The following SLMAP variants were observed in gnomAD, a reference collection of about 807,000 sequenced individuals.
The protein encoded by SLMAP is sarcolemma associated protein.
Under a neutral mutation model 128.8 loss-of-function variants are expected in SLMAP, and 44 were observed. The observed-to-expected ratio is 0.34, with a 90% CI of 0.27 to 0.44. SLMAP has a LOEUF of 0.44. Among genes scored for constraint, SLMAP ranks in the 20% least tolerant of loss-of-function variants. The pLI, the probability that SLMAP is intolerant of heterozygous loss-of-function variation, is 1.00. For synonymous variants in SLMAP, 327 were observed against 348.8 expected (o/e 0.94, Z 0.70); for missense variants, 787 against 985.3 (o/e 0.80, Z 2.69).
rs1470852663 is a variant in SLMAP, at chr3:57,834,618, CAG to C, written c.346+3091_346+3092del. 2.0e-5 allele frequency among the ~76,000 whole-genome samples: 3 copies of C among 152,142 alleles called. No individual in the cohort carries two copies. The East Asian group carries it at 5.8e-4, about 29-fold the overall frequency. On this transcript the variant is annotated intron_variant, in intron 3 of 24. Coordinates refer to ENST00000671191, the MANE Select transcript of SLMAP (RefSeq NM_001377540.1). ...TTCACCATTGAAAAGACACCAGAAA[CAG>C]AGGGATTTACAGCTGATCCCTCTGT...
intron 3 of SLMAP, among the ~76,000 whole-genome samples, chr3:57,839,127 ATT>A (rs1243773071): frequency 1.3e-5 from 2 of 151,422 alleles, no homozygotes; most frequent in Non-Finnish European, 2.9e-5. Context: ...TAATTTTAAA[ATT>A]TTTTGTAGAG....
intron 23 of SLMAP, among the ~76,000 whole-genome samples, chr3:57,923,774 C>T (rs777586828): frequency 1.5e-4 from 23 of 152,158 alleles, no homozygotes; most frequent in Non-Finnish European, 2.8e-4. Context: ...GAAGCCACTT[C>T]GCTTACCTTG....
rs193193278 is a variant in SLMAP at position 57,922,522 on chromosome 3, G to A, written c.2311-367G>A. 2.2e-3 allele frequency among the ~76,000 whole-genome samples: 327 copies of A among 149,166 alleles called. 1 individual carries two copies. The highest frequency in any genetic ancestry group is 7.8e-3 in the African/African-American group (316 of 40,288). On this transcript the variant is annotated intron_variant, in intron 22 of 24. Transcript: ENST00000671191. ...TGGCTCACTGCAACCTCTGCCTCCC[G>A]GGTTCAAGCGATTTTCCTGTCTCAG...
rs1220540525 is a variant in SLMAP at position 57,820,505 on chromosome 3, G to T, written c.199-10878G>T. On this transcript the variant is annotated intron_variant, in intron 2 of 24. Coordinates refer to ENST00000671191, the MANE Select transcript of SLMAP (RefSeq NM_001377540.1). ...ACTGCCAAATTAGAATTTGCTGTAG[G>T]CTTTCAGCCCCCGCCCCCACTACCA... is the stretch of plus-strand genomic sequence containing the variant. Among the ~76,000 whole-genome samples, 4 of 152,116 alleles carry T rather than the reference G, an allele frequency of 2.6e-5. No individual in the cohort carries two copies. The East Asian group carries it at 7.7e-4, about 29-fold the overall frequency.
At chr3:57,895,381 G>C (rs2096213771) in intron 15 of SLMAP, among the ~76,000 whole-genome samples, 1 of 151,782 alleles carries the variant, frequency 6.6e-6, no homozygotes, top group South Asian at 2.1e-4. Context: ...TGTCACCCAG[G>C]CTGGAGTGCA....
chr3:57,760,636 G>A (rs565122275), intron 2 of SLMAP, among the ~76,000 whole-genome samples: 2 of 152,006 alleles, frequency 1.3e-5, no homozygotes, highest in Non-Finnish European at 2.9e-5. Context: ...CACGAGGGTT[G>A]CTTGAGCCCA....
rs1310433335 is a variant in SLMAP, at chr3:57,804,199, T to G, written c.199-27184T>G. Among the ~76,000 whole-genome samples the G allele has an allele frequency of 2.0e-5, 3 of 152,338 alleles. No homozygotes were observed. In the East Asian group the frequency reaches 5.8e-4, roughly 29 times the overall value. On this transcript the variant is annotated intron_variant, in intron 2 of 24. Transcript: ENST00000671191. ...ATCTTTTTTCATCTAACATCAAAGA[T>G]TATTTCCATTTCTGATACACTTTTA...
intron 2 of SLMAP, among the ~76,000 whole-genome samples, chr3:57,820,952 A>G (rs2092447972): frequency 6.6e-6 from 1 of 152,356 alleles, no homozygotes; most frequent in East Asian, 1.9e-4. Flanking sequence ...ACAAGTTTTT[A>G]GATGACCCTG....
intron 2 of SLMAP, among the ~76,000 whole-genome samples, chr3:57,809,843 A>G (rs2090615586): frequency 6.6e-6 from 1 of 152,228 alleles, no homozygotes; most frequent in East Asian, 1.9e-4. Context: ...TCTGTCACTC[A>G]GTAAAGCTCC....
At chr3:57,770,003 A>G (rs747100863) in intron 2 of SLMAP, among the ~76,000 whole-genome samples, 80 of 152,178 alleles carry the variant, frequency 5.3e-4, no homozygotes, top group Non-Finnish European at 5.6e-4. Flanking sequence ...TTACCAAGGA[A>G]TCTTTGATGT....
chr3:57,757,891 T>G (rs184378105), intron 2 of SLMAP, 42 bp downstream of exon 2: 1 of 1,576,404 alleles, frequency 6.3e-7, no homozygotes, highest in African/African-American at 1.3e-5. Flanking sequence ...TTAACAAACT[T>G]TTTTTCCCCT....
At chr3:57,895,501 A>AT (rs1439922291) in intron 15 of SLMAP, among the ~76,000 whole-genome samples, 1 of 151,676 alleles carries the variant, frequency 6.6e-6, no homozygotes, top group Non-Finnish European at 1.5e-5. Context: ...TGCCCAGCTA[A>AT]TTTTTTGTAT....
intron 2 of SLMAP, among the ~76,000 whole-genome samples, chr3:57,781,129 C>T (rs564337745): frequency 6.6e-6 from 1 of 151,900 alleles, no homozygotes; most frequent in Admixed American, 6.6e-5. Flanking sequence ...CCTGTAGCCC[C>T]AGCTGCTTGA....
chr3:57,790,476 G>A (rs910158007), intron 2 of SLMAP, among the ~76,000 whole-genome samples: 6 of 152,164 alleles, frequency 3.9e-5, no homozygotes, highest in Non-Finnish European at 5.9e-5. Context: ...GTGGAACACG[G>A]TGGTAAAATA....
chr3:57,910,111 C>T (rs2096658863), intron 19 of SLMAP, among the ~76,000 whole-genome samples: 1 of 152,154 alleles, frequency 6.6e-6, no homozygotes, highest in Admixed American at 6.6e-5. Flanking sequence ...TTTGAGCTTG[C>T]TGGTATATGT....
chr3:57,811,722 A>G (rs577348388), intron 2 of SLMAP, among the ~76,000 whole-genome samples: 5 of 152,262 alleles, frequency 3.3e-5, no homozygotes, highest in East Asian at 1.9e-4. Flanking sequence ...AAGGGTTCCA[A>G]TTTCTCCACA....
intron 2 of SLMAP, among the ~76,000 whole-genome samples, chr3:57,791,664 A>G (rs560737411): frequency 6.6e-6 from 1 of 152,324 alleles, no homozygotes; most frequent in African/African-American, 2.4e-5. Context: ...TTCTATTTCA[A>G]CAGAAAATCC....
intron 14 of SLMAP, among the ~76,000 whole-genome samples, chr3:57,880,380 T>G (rs1401940098): frequency 6.6e-6 from 1 of 152,030 alleles, no homozygotes; most frequent in African/African-American, 2.4e-5. Flanking sequence ...TTTTGTATTT[T>G]TGGTAGAGAT....
chr3:57,899,466 T>C (rs1319102294), intron 17 of SLMAP: 1 of 152,256 alleles, frequency 6.6e-6, no homozygotes, highest in Non-Finnish European at 1.5e-5. Context: ...CATTTCTGTA[T>C]GATTGCCAAC....
Sources: gnomAD v4.1 joint callset for allele counts (sites outside exome capture counted in the v4.1 genomes callset) on GRCh38, gnomAD v4.1.1 for gene constraint, MANE v1.5 for transcripts, NCBI Gene and HGNC (gene_info 2026-07-23, HGNC 2026-07-21) for gene names.